The following FOXP2 variants were observed in gnomAD, a reference collection of about 807,000 sequenced individuals.
FOXP2 encodes the protein forkhead box P2.
Under a neutral mutation model 115.8 loss-of-function variants are expected in FOXP2, and 12 were observed. That is an observed-to-expected ratio of 0.10 (90% CI 0.07 to 0.17). The LOEUF (loss-of-function observed/expected upper bound fraction) is 0.17, where lower values mean the gene tolerates loss of function less well. FOXP2 is among the 10% of genes least tolerant of loss of function. The pLI, the probability that FOXP2 is intolerant of heterozygous loss-of-function variation, is 1.00. For missense variants in FOXP2, 629 were observed against 843.5 expected, an observed-to-expected ratio of 0.75 and a Z score of 3.15; for synonymous variants, 328 against 297.7, an observed-to-expected ratio of 1.10 and a Z score of -1.05.
chr7:114,450,898 T>G (rs1002635630), intron 2 of FOXP2, among the ~76,000 whole-genome samples: 10 of 152,090 alleles, frequency 6.6e-5, no homozygotes, highest in Admixed American at 6.6e-4. Flanking sequence ...CTTTTTGAAC[T>G]TAATGTCTCT....
intron 7 of FOXP2, among the ~76,000 whole-genome samples, chr7:114,643,726 T>C (rs958275245): frequency 1.3e-5 from 2 of 152,176 alleles, no homozygotes; most frequent in Non-Finnish European, 2.9e-5. Context: ...TAAAATATTG[T>C]TCAGTGTGAA....
chr7:114,653,401 GCAGAGT>G, intron 9 of FOXP2: 1 of 167,196 alleles, frequency 6.0e-6, no homozygotes, highest in Non-Finnish European at 1.3e-5. Flanking sequence ...CGACTCCGTG[GCAGAGT>G]TCAGCGTTTC....
intron 2 of FOXP2, among the ~76,000 whole-genome samples, chr7:114,347,737 G>A (rs1243357435): frequency 6.6e-6 from 1 of 151,998 alleles, no homozygotes; most frequent in Non-Finnish European, 1.5e-5. Context: ...AGAGGTATGT[G>A]AGTAATGCTA....
chr7:114,642,658 T>C lies in FOXP2; in HGVS notation c.989+35T>C, dbSNP rs374743210. 1.4e-5 allele frequency: 22 copies of C among 1,584,216 alleles called. No individual in the cohort carries two copies. In the African/African-American group the frequency reaches 2.7e-4, roughly 19 times the overall value. ...ATGAGCTTTATTCTATATTTATCTA[T>C]TTTCAGATTTTATTTTCACCATTGA... On this transcript the variant is annotated intron_variant, in intron 7 of 16. Coordinates refer to ENST00000350908, the MANE Select transcript of FOXP2 (RefSeq NM_014491.4).
intron 2 of FOXP2, among the ~76,000 whole-genome samples, chr7:114,459,779 C>G (rs1251405123): frequency 1.3e-5 from 2 of 152,054 alleles, no homozygotes; most frequent in Non-Finnish European, 2.9e-5. Flanking sequence ...CCACGCCCGG[C>G]TACTTTTTGT....
rs1356094712 is a variant in FOXP2 at position 114,692,649 on chromosome 7, T to C, written c.*2723T>C. The C allele has an allele frequency of 2.3e-6, 1 of 443,078 alleles. No homozygotes were observed. The highest frequency in any genetic ancestry group is 4.5e-6 in the Non-Finnish European group (1 of 222,324). 27.4% of individuals were successfully genotyped at this position (443,078 alleles called of 1,614,324 possible). On this transcript the variant is annotated 3_prime_UTR_variant, in exon 17 of 17. Coordinates refer to ENST00000350908, the MANE Select transcript of FOXP2 (RefSeq NM_014491.4). ...GTAAGGCTTTGAACTAATGTATGTA[T>C]TTATTGCTTGAACTTCTGTGCATAC...
At chr7:114,542,524 A>G (rs916189500) in intron 3 of FOXP2, among the ~76,000 whole-genome samples, 2 of 152,122 alleles carry the variant, frequency 1.3e-5, no homozygotes, top group African/African-American at 4.8e-5. Flanking sequence ...ATCTCCTGTT[A>G]TGACATTTAT....
chr7:114,552,456 G>C (rs1398774076), intron 3 of FOXP2, among the ~76,000 whole-genome samples: 1 of 152,070 alleles, frequency 6.6e-6, no homozygotes, highest in Non-Finnish European at 1.5e-5. Context: ...TAGTAAAAGA[G>C]TATACCTTCT....
intron 3 of FOXP2, among the ~76,000 whole-genome samples, chr7:114,552,447 A>C (rs1383878144): frequency 6.6e-6 from 1 of 152,320 alleles, no homozygotes; most frequent in East Asian, 1.9e-4. Flanking sequence ...GCTTTATTAT[A>C]GTAAAAGAGT....
intron 2 of FOXP2, among the ~76,000 whole-genome samples, chr7:114,482,910 G>A (rs976743974): frequency 6.6e-6 from 1 of 151,518 alleles, no homozygotes; most frequent in African/African-American, 2.4e-5. Context: ...TTTCTAGACT[G>A]AAATTACTTG....
chr7:114,652,177 C>A, intron 8 of FOXP2, 26 bp from the exon 9 acceptor site: 2 of 1,607,762 alleles, frequency 1.2e-6, no homozygotes, highest in Non-Finnish European at 8.5e-7. Context: ...ACTTTACATT[C>A]TGTTTTGTGT....
intron 1 of FOXP2, among the ~76,000 whole-genome samples, chr7:114,176,816 C>G (rs1176130434): frequency 1.3e-5 from 2 of 152,102 alleles, no homozygotes; most frequent in East Asian, 3.9e-4. Context: ...TGTTTGTACT[C>G]TAAAAGTCCC....
At chr7:114,460,998 G>A (rs948016464) in intron 2 of FOXP2, among the ~76,000 whole-genome samples, 3 of 152,154 alleles carry the variant, frequency 2.0e-5, no homozygotes, top group Non-Finnish European at 4.4e-5. Flanking sequence ...GAAGGTGTCT[G>A]CTGACTCAAG....
At chr7:114,459,138 C>T (rs1795449762) in intron 2 of FOXP2, among the ~76,000 whole-genome samples, 1 of 152,212 alleles carries the variant, frequency 6.6e-6, no homozygotes, top group Non-Finnish European at 1.5e-5. Context: ...AAGGAAAAAG[C>T]AGCCAGTCCT....
chr7:114,555,518 TG>T (rs1360160445), intron 3 of FOXP2, among the ~76,000 whole-genome samples: 1 of 152,170 alleles, frequency 6.6e-6, no homozygotes, highest in African/African-American at 2.4e-5. Flanking sequence ...GCAAAGGGGC[TG>T]GGCACAGTGG....
At chr7:114,196,133 C>T (rs187246646) in intron 1 of FOXP2, among the ~76,000 whole-genome samples, 1 of 152,132 alleles carries the variant, frequency 6.6e-6, no homozygotes, top group East Asian at 1.9e-4. Context: ...CTGCCTCAGC[C>T]TCCCGAGTAG....
chr7:114,259,323 T>C (rs1431009759), intron 1 of FOXP2, among the ~76,000 whole-genome samples: 1 of 152,226 alleles, frequency 6.6e-6, no homozygotes, highest in Admixed American at 6.5e-5. Flanking sequence ...TACACTGAAA[T>C]AGGCTGTTAA....
chr7:114,514,237 C>T (rs1264052642), intron 2 of FOXP2, among the ~76,000 whole-genome samples: 2 of 151,854 alleles, frequency 1.3e-5, no homozygotes, highest in Non-Finnish European at 2.9e-5. Context: ...TGTATTTTAC[C>T]TCACATACTT....
chr7:114,502,526 G>A (rs1363824996), intron 2 of FOXP2, among the ~76,000 whole-genome samples: 1 of 151,998 alleles, frequency 6.6e-6, no homozygotes, highest in Non-Finnish European at 1.5e-5. Flanking sequence ...CAGTTGTAGC[G>A]ATAACATGGC....
Sources: allele counts gnomAD v4.1 joint callset (sites outside exome capture counted in the v4.1 genomes callset), GRCh38; gene constraint gnomAD v4.1.1; transcripts MANE v1.5; gene names NCBI Gene and HGNC (gene_info 2026-07-23, HGNC 2026-07-21).